GTF2H1: variants seen among roughly 807,000 people sequenced by gnomAD.
GTF2H1 encodes the protein general transcription factor IIH subunit 1.
In GTF2H1, 16 loss-of-function variants were observed where a neutral mutation model predicts 71.2. The observed-to-expected ratio is 0.22, with a 90% CI of 0.15 to 0.34. The LOEUF (loss-of-function observed/expected upper bound fraction) is 0.34, where lower values mean the gene tolerates loss of function less well. Ranked by LOEUF, GTF2H1 falls within the 10% of genes least tolerant of loss-of-function variation. The probability of loss-of-function intolerance (pLI) is 1.00; values close to 1 mark genes in which losing one functional copy is unlikely to be tolerated. For missense variants in GTF2H1, 498 were observed against 648.2 expected (o/e 0.77, Z 2.52); for synonymous variants, 215 against 219.0 (o/e 0.98, Z 0.16).
chr11:18,334,146 G>A (rs770064473), intron 2 of GTF2H1, among the ~76,000 whole-genome samples: 9 of 152,158 alleles, frequency 5.9e-5, no homozygotes, highest in South Asian at 2.1e-4. Context: ...TTGGGAGGCC[G>A]AGGTGGGCGG....
chr11:18,345,014 TA>T (rs1865253811), intron 7 of GTF2H1, among the ~76,000 whole-genome samples: 1 of 83,148 alleles, frequency 1.2e-5, no homozygotes, highest in Non-Finnish European at 2.4e-5. Context: ...ACCACATCTC[TA>T]AACTTTTTTT....
intron 14 of GTF2H1, among the ~76,000 whole-genome samples, chr11:18,362,261 A>G (rs1438764259): frequency 6.6e-6 from 1 of 152,194 alleles, no homozygotes; most frequent in East Asian, 1.9e-4. Context: ...AGTATAAAAG[A>G]TAAAAAGTGG....
intron 1 of GTF2H1, among the ~76,000 whole-genome samples, chr11:18,332,170 G>A (rs1048646692): frequency 6.6e-6 from 1 of 152,186 alleles, no homozygotes; most frequent in African/African-American, 2.4e-5. Flanking sequence ...TTGCGGTAAA[G>A]CTTCACTTAT....
intron 10 of GTF2H1, 81 bp downstream of exon 10, chr11:18,352,050 T>G: frequency 3.9e-6 from 3 of 771,228 alleles, no homozygotes; most frequent in Non-Finnish European, 6.8e-6. Flanking sequence ...CACTCATGTT[T>G]TAATCAGTTC....
chr11:18,344,037 G>C (rs1865226352), intron 7 of GTF2H1, among the ~76,000 whole-genome samples: 1 of 152,018 alleles, frequency 6.6e-6, no homozygotes, highest in Non-Finnish European at 1.5e-5. Flanking sequence ...TATTTCCCAG[G>C]CTGGTCTGAA....
intron 7 of GTF2H1, 63 bp from the exon 8 acceptor site, chr11:18,347,525 C>A: frequency 8.1e-7 from 1 of 1,231,924 alleles, no homozygotes; most frequent in Non-Finnish European, 1.1e-6. Flanking sequence ...TTCAGCTAAG[C>A]GTGTCTTATA....
chr11:18,343,546 A>C (rs1865212515), intron 7 of GTF2H1, among the ~76,000 whole-genome samples: 1 of 152,038 alleles, frequency 6.6e-6, no homozygotes, highest in African/African-American at 2.4e-5. Context: ...TCTCTATTCC[A>C]TTGCTTTACT....
chr11:18,345,953 G>A (rs1361518727), intron 7 of GTF2H1, among the ~76,000 whole-genome samples: 1 of 151,848 alleles, frequency 6.6e-6, no homozygotes, highest in Non-Finnish European at 1.5e-5. Flanking sequence ...ACCTCGCCCG[G>A]CTAATTTTTT....
intron 11 of GTF2H1, among the ~76,000 whole-genome samples, chr11:18,355,066 TC>T (rs986568644): frequency 1.3e-5 from 2 of 152,172 alleles, no homozygotes; most frequent in African/African-American, 4.8e-5. Context: ...CGCCTCGGCC[TC>T]CCAAAGTGCT....
rs764846194 is a variant in GTF2H1, at chr11:18,352,399, C to A, written c.1213C>A (p.Gln405Lys). Residue 405 changes from glutamine (Q) to lysine (K), a missense_variant, in exon 11 of 15, where the codon CAA (glutamine) becomes AAA (lysine). Around this residue, in one of 3 missense-constraint regions of GTF2H1, gnomAD observed 266 missense variants for 301.6 expected, o/e 0.88. Coordinates refer to ENST00000265963, the MANE Select transcript of GTF2H1 (RefSeq NM_005316.4). The part of the protein sequence containing the change: ...ATSQDIINSF[Q>K]SIRQEMEAYT... ...AAGTCAGGACATTATTAATTCTTTT[C>A]AAAGTATTAGACAAGAAATGGAAGC... 3 of 1,580,388 alleles carry A rather than the reference C, an allele frequency of 1.9e-6. No homozygotes were observed. The highest frequency in any genetic ancestry group is 1.1e-5 in the South Asian group (1 of 90,258).
At chr11:18,363,243 C>A (rs148026462) in intron 14 of GTF2H1, among the ~76,000 whole-genome samples, 17 of 152,154 alleles carry the variant, frequency 1.1e-4, no homozygotes, top group African/African-American at 3.6e-4. Flanking sequence ...TAGGAGTACA[C>A]CGTAAATAAT....
intron 13 of GTF2H1, among the ~76,000 whole-genome samples, chr11:18,359,172 G>C (rs1167358429): frequency 6.6e-6 from 1 of 152,302 alleles, no homozygotes; most frequent in African/African-American, 2.4e-5. Flanking sequence ...ACTCACTAAA[G>C]AATGGAGTGG....
intron 1 of GTF2H1, among the ~76,000 whole-genome samples, chr11:18,323,526 C>T (rs563664716): frequency 1.3e-5 from 2 of 152,014 alleles, no homozygotes; most frequent in Admixed American, 6.5e-5. Context: ...AAAAATACAC[C>T]CTTTGTCCAT....
At chr11:18,349,757 G>A (rs1193803748) in intron 9 of GTF2H1, among the ~76,000 whole-genome samples, 2 of 152,176 alleles carry the variant, frequency 1.3e-5, no homozygotes, top group East Asian at 3.8e-4. Context: ...CTTAAATGGG[G>A]CTACATCCCA....
Position 18,338,176 on chromosome 11 carries a change from G to A in GTF2H1, c.415G>A (p.Ala139Thr), listed in dbSNP as rs1214376184. 7 of 1,607,862 alleles carry A rather than the reference G, an allele frequency of 4.4e-6. No homozygotes were observed. In the South Asian group the frequency reaches 7.7e-5, roughly 18 times the overall value. Residue 139 changes from alanine to threonine, a missense_variant, in exon 4 of 15, where the codon GCT becomes ACT. Around this residue, in one of 3 missense-constraint regions of GTF2H1, gnomAD observed 216 missense variants for 306.2 expected, o/e 0.71. Transcript: ENST00000265963. ...CCTTGTTGTGAGTCAAGTGATCAGT[G>A]CTGAGGAATTCTGGGCCAATCGTTT... is the stretch of plus-strand genomic sequence containing the variant. ...KDLVVSQVIS[A>T]EEFWANRLNV...
intron 13 of GTF2H1, among the ~76,000 whole-genome samples, chr11:18,359,597 C>A (rs1223414732): frequency 3.9e-5 from 6 of 152,078 alleles, no homozygotes; most frequent in Admixed American, 3.9e-4. Flanking sequence ...AAATACTTAG[C>A]TAGAGATGGT....
intron 7 of GTF2H1, among the ~76,000 whole-genome samples, chr11:18,343,760 T>G (rs1235552902): frequency 6.6e-6 from 1 of 152,214 alleles, no homozygotes; most frequent in Non-Finnish European, 1.5e-5. Flanking sequence ...CGTATCTCCA[T>G]GGGTATTCCC....
At position 18,360,845 on chromosome 11, in the gene GTF2H1, G is replaced by A. The variant is rs184034754; in HGVS notation, c.1560+138G>A. 2.0e-4 allele frequency: 111 copies of A among 553,126 alleles called. 1 individual carries two copies. The highest frequency in any genetic ancestry group is 1.5e-3 in the African/African-American group (71 of 47,530). 34.3% of individuals were successfully genotyped at this position (553,126 alleles called of 1,614,324 possible). A position where few individuals can be genotyped will look rare whatever the true frequency, so the allele number is the denominator to read the frequency against. On this transcript the variant is annotated intron_variant, in intron 14 of 14. Coordinates refer to ENST00000265963, the MANE Select transcript of GTF2H1 (RefSeq NM_005316.4). ...TTTTGAAACGGAGTCTCACTCTGTCGCCCAGGCTGGAGTACAGTGGCTCCA... is the reference window on the plus strand; with the variant it reads ...TTTTGAAACGGAGTCTCACTCTGTCACCCAGGCTGGAGTACAGTGGCTCCA...
chr11:18,334,606 T>C (rs988469208), intron 2 of GTF2H1, among the ~76,000 whole-genome samples: 1 of 152,216 alleles, frequency 6.6e-6, no homozygotes, highest in Non-Finnish European at 1.5e-5. Flanking sequence ...TTCTCAGTTA[T>C]TGGTGAAAGC....
Sources: allele counts gnomAD v4.1 joint callset (sites outside exome capture counted in the v4.1 genomes callset), GRCh38; gene constraint gnomAD v4.1.1; regional missense constraint gnomAD v4.1.1; transcripts MANE v1.5; gene names NCBI Gene and HGNC (gene_info 2026-07-23, HGNC 2026-07-21).